PCCA: variants seen among roughly 807,000 people sequenced by gnomAD.
The protein encoded by PCCA is propionyl-CoA carboxylase subunit alpha, also known as propionyl-CoA carboxylase alpha chain, mitochondrial.
Under a neutral mutation model 101.3 loss-of-function variants are expected in PCCA, and 74 were observed. That is an observed-to-expected ratio of 0.73 (90% CI 0.61 to 0.89). PCCA has a LOEUF of 0.89. Ranked by LOEUF, PCCA falls within the 40% of genes least tolerant of loss-of-function variation. PCCA has a pLI of 0.00. For synonymous variants in PCCA, 294 were observed against 313.6 expected (o/e 0.94, Z 0.66); for missense variants, 891 against 907.0 (o/e 0.98, Z 0.23).
chr13:100,167,842 C>T (rs956053892), intron 6 of PCCA, among the ~76,000 whole-genome samples: 5 of 152,180 alleles, frequency 3.3e-5, no homozygotes, highest in African/African-American at 1.2e-4. Flanking sequence ...TCTCGGCTCT[C>T]TGCAAGCTCT....
intron 19 of PCCA, among the ~76,000 whole-genome samples, chr13:100,410,485 C>T (rs1364107453): frequency 6.6e-6 from 1 of 152,178 alleles, no homozygotes; most frequent in Admixed American, 6.5e-5. Context: ...TCGTGATCCA[C>T]CTGCCTTGGC....
At chr13:100,250,124 G>C (rs977806157) in intron 8 of PCCA, among the ~76,000 whole-genome samples, 4 of 152,104 alleles carry the variant, frequency 2.6e-5, no homozygotes, top group Non-Finnish European at 5.9e-5. Context: ...AGTTGTAAGA[G>C]GGGACATTCT....
At chr13:100,445,936 T>G (rs1375959301) in intron 20 of PCCA, among the ~76,000 whole-genome samples, 1 of 152,218 alleles carries the variant, frequency 6.6e-6, no homozygotes, top group Non-Finnish European at 1.5e-5. Flanking sequence ...TATGCAGTAG[T>G]GGGATTGTTG....
intron 21 of PCCA, among the ~76,000 whole-genome samples, chr13:100,496,687 A>G (rs1481318279): frequency 6.6e-6 from 1 of 152,158 alleles, no homozygotes; most frequent in East Asian, 1.9e-4. Flanking sequence ...TTAAGCTGGT[A>G]ATTTCAGCAT....
chr13:100,094,748 C>T (rs1430912353), intron 1 of PCCA, among the ~76,000 whole-genome samples: 1 of 152,132 alleles, frequency 6.6e-6, no homozygotes, highest in Non-Finnish European at 1.5e-5. Flanking sequence ...CCACCATGCC[C>T]AGCTAATTTT....
chr13:100,341,505 AAACGTGGCTACATTTC>A (rs559786007), intron 18 of PCCA, among the ~76,000 whole-genome samples: 66 of 152,248 alleles, frequency 4.3e-4, no homozygotes, highest in Non-Finnish European at 6.8e-4. Flanking sequence ...AAGTTACCGG[AAACGTGGCTACATTTC>A]AACTGTTCCA....
At chr13:100,447,712 T>C (rs868123408) in intron 20 of PCCA, among the ~76,000 whole-genome samples, 3 of 151,942 alleles carry the variant, frequency 2.0e-5, no homozygotes, top group Middle Eastern at 3.4e-3. Context: ...GTCAAAATGC[T>C]CCCATACTGA....
At chr13:100,475,876 T>G (rs2083382198) in intron 21 of PCCA, among the ~76,000 whole-genome samples, 1 of 152,208 alleles carries the variant, frequency 6.6e-6, no homozygotes, top group South Asian at 2.1e-4. Flanking sequence ...ATTCTCTATG[T>G]AGTATTCTGC....
intron 1 of PCCA, among the ~76,000 whole-genome samples, chr13:100,098,514 C>T (rs1178806319): frequency 6.6e-6 from 1 of 152,034 alleles, no homozygotes; most frequent in African/African-American, 2.4e-5. Context: ...CAGGCAGGGT[C>T]GGGGGAGCTC....
intron 6 of PCCA, among the ~76,000 whole-genome samples, chr13:100,204,425 C>T (rs760118304): frequency 2.6e-5 from 4 of 152,212 alleles, no homozygotes; most frequent in Non-Finnish European, 5.9e-5. Flanking sequence ...CAGGCGTGAC[C>T]CACTGTGCCC....
intron 12 of PCCA, among the ~76,000 whole-genome samples, chr13:100,289,226 A>G (rs897777375): frequency 2.6e-5 from 4 of 152,210 alleles, no homozygotes; most frequent in Non-Finnish European, 2.9e-5. Flanking sequence ...GACTCATGTC[A>G]TACTGTATCT....
chr13:100,162,089 T>G (rs1361401446), intron 6 of PCCA, among the ~76,000 whole-genome samples: 2 of 151,078 alleles, frequency 1.3e-5, no homozygotes, highest in East Asian at 3.9e-4. Flanking sequence ...TATGTGTGTG[T>G]GTGTGTGTGT....
At chr13:100,127,316 C>G (rs570046627) in intron 4 of PCCA, among the ~76,000 whole-genome samples, 1 of 152,036 alleles carries the variant, frequency 6.6e-6, no homozygotes, top group South Asian at 2.1e-4. Context: ...TTAAGACTTT[C>G]TGAATTTTTT....
At chr13:100,461,523 T>C (rs1489093760) in intron 21 of PCCA, among the ~76,000 whole-genome samples, 4 of 152,266 alleles carry the variant, frequency 2.6e-5, no homozygotes, top group Non-Finnish European at 5.9e-5. Context: ...CTCCTAAACA[T>C]AAACTTCCAG....
chr13:100,319,716 C>T (rs1187253017), intron 16 of PCCA, among the ~76,000 whole-genome samples: 1 of 152,166 alleles, frequency 6.6e-6, no homozygotes, highest in Admixed American at 6.5e-5. Context: ...GGTACCAGTA[C>T]CATGCTGCTT....
intron 6 of PCCA, chr13:100,161,650 A>G (rs1377215293): frequency 7.2e-6 from 1 of 138,452 alleles, no homozygotes; most frequent in Non-Finnish European, 1.5e-5. Context: ...CTACTCATTC[A>G]TATTTGGACT....
At chr13:100,255,372 A>G (rs1307418051) in intron 8 of PCCA, among the ~76,000 whole-genome samples, 2 of 152,186 alleles carry the variant, frequency 1.3e-5, no homozygotes, top group Non-Finnish European at 2.9e-5. Flanking sequence ...TTTCCATGTC[A>G]TATTTTGAAA....
At chr13:100,274,520 T>A (rs935378428) in intron 12 of PCCA, among the ~76,000 whole-genome samples, 1 of 152,192 alleles carries the variant, frequency 6.6e-6, no homozygotes, top group East Asian at 1.9e-4. Flanking sequence ...GAGTCTATCA[T>A]GCAGGTTCCA....
chr13:100,418,764 G>A (rs1179967070), intron 19 of PCCA, among the ~76,000 whole-genome samples: 1 of 151,562 alleles, frequency 6.6e-6, no homozygotes, highest in Admixed American at 6.6e-5. Context: ...AACCCAGGCA[G>A]TGGAGGTTGT....
Sources: allele counts gnomAD v4.1 joint callset (sites outside exome capture counted in the v4.1 genomes callset), GRCh38; gene constraint gnomAD v4.1.1; transcripts MANE v1.5; gene names NCBI Gene and HGNC (gene_info 2026-07-23, HGNC 2026-07-21).